Variants in CDH12 observed in about 807,000 individuals in gnomAD.
The protein encoded by CDH12 is cadherin 12.
CDH12 carries 41 observed loss-of-function variants against 74.1 expected under a neutral mutation model. The observed-to-expected ratio is 0.55, with a 90% CI of 0.43 to 0.72. The LOEUF is 0.72. Ranked by LOEUF, CDH12 falls within the 30% of genes least tolerant of loss-of-function variation. CDH12 has a pLI of 0.00. For synonymous variants in CDH12, 399 were observed against 355.0 expected (o/e 1.12, Z -1.39); for missense variants, 945 against 977.2 (o/e 0.97, Z 0.44).
intron 3 of CDH12, among the ~76,000 whole-genome samples, chr5:22,302,625 A>G (rs1225078357): frequency 6.6e-6 from 1 of 152,152 alleles, no homozygotes; most frequent in African/African-American, 2.4e-5. Flanking sequence ...AAGTCATTGG[A>G]ACATATAAAA....
At chr5:21,988,386 G>A (rs1374265004) in intron 5 of CDH12, among the ~76,000 whole-genome samples, 1 of 151,438 alleles carries the variant, frequency 6.6e-6, no homozygotes, top group Non-Finnish European at 1.5e-5. Flanking sequence ...CAGCTACTCG[G>A]GAGGCTGAGG....
At chr5:22,158,246 T>A (rs1748140338) in intron 4 of CDH12, among the ~76,000 whole-genome samples, 1 of 152,056 alleles carries the variant, frequency 6.6e-6, no homozygotes, top group African/African-American at 2.4e-5. Context: ...TAGCCCACCA[T>A]ATCTTGCAAA....
At chr5:21,920,436 C>G (rs1201049449) in intron 6 of CDH12, among the ~76,000 whole-genome samples, 1 of 151,912 alleles carries the variant, frequency 6.6e-6, no homozygotes, top group Non-Finnish European at 1.5e-5. Flanking sequence ...AATAGAAAAC[C>G]AAACAATGCA....
intron 1 of CDH12, among the ~76,000 whole-genome samples, chr5:22,543,973 G>A (rs1738209271): frequency 6.6e-6 from 1 of 151,606 alleles, no homozygotes; most frequent in African/African-American, 2.4e-5. Context: ...ATCTGCTAAA[G>A]CCTATCCCTA....
At position 22,460,713 on chromosome 5, in the gene CDH12, A is replaced by ATTTTTTTTTTTTTTTTTTTT. The variant is rs3039460; in HGVS notation, c.-428+44537_-428+44556dup. ...AGAGAACAGTTGATGATATCTAGCA[A>ATTTTTTTTTTTTTTTTTTTT]TTTTTTTTTTTTTTTTTTTTTTTTT... On this transcript the variant is annotated intron_variant, in intron 2 of 14. Coordinates refer to ENST00000382254, the MANE Select transcript of CDH12 (RefSeq NM_004061.5). 2.2e-4 allele frequency among the ~76,000 whole-genome samples: 19 copies of ATTTTTTTTTTTTTTTTTTTT among 85,608 alleles called. 2 individuals are homozygous for ATTTTTTTTTTTTTTTTTTTT. The highest frequency in any genetic ancestry group is 9.6e-4 in the African/African-American group (19 of 19,772). 56.2% of individuals were successfully genotyped at this position (85,608 alleles called of 152,430 possible).
intron 1 of CDH12, among the ~76,000 whole-genome samples, chr5:22,759,472 C>T (rs1746097259): frequency 6.6e-6 from 1 of 152,122 alleles, no homozygotes; most frequent in African/African-American, 2.4e-5. Context: ...CTCGAAGCAA[C>T]TGAATAGATC....
chr5:22,153,856 G>GTGTATATA (rs1747786508), intron 4 of CDH12, among the ~76,000 whole-genome samples: 1 of 114,088 alleles, frequency 8.8e-6, no homozygotes, highest in Non-Finnish European at 1.8e-5. Context: ...ATATGTGTGT[G>GTGTATATA]TGTATATATA....
At chr5:21,982,151 A>G (rs1456654281) in intron 5 of CDH12, among the ~76,000 whole-genome samples, 9 of 152,302 alleles carry the variant, frequency 5.9e-5, no homozygotes, top group Non-Finnish European at 1.0e-4. Context: ...CCTAATGTGG[A>G]TGGGCCTCAT....
chr5:22,214,957 T>C (rs1227355046), intron 3 of CDH12, among the ~76,000 whole-genome samples: 2 of 152,124 alleles, frequency 1.3e-5, no homozygotes, highest in African/African-American at 4.8e-5. Context: ...AGTACACACA[T>C]GAAGAACAAA....
At chr5:21,820,288 A>G (rs1352938957) in intron 8 of CDH12, among the ~76,000 whole-genome samples, 1 of 152,022 alleles carries the variant, frequency 6.6e-6, no homozygotes, top group Non-Finnish European at 1.5e-5. Flanking sequence ...TAAGTTAAAT[A>G]GGGTGTTTTG....
intron 2 of CDH12, among the ~76,000 whole-genome samples, chr5:22,451,729 G>C (rs184632054): frequency 5.8e-4 from 88 of 152,004 alleles, no homozygotes; most frequent in African/African-American, 2.0e-3. Context: ...TTAGGCAAGA[G>C]AATGAAATAA....
chr5:21,998,968 A>G (rs1176889703), intron 5 of CDH12, among the ~76,000 whole-genome samples: 26 of 152,196 alleles, frequency 1.7e-4, no homozygotes, highest in Non-Finnish European at 1.5e-5. Context: ...AAATACCACA[A>G]ATGAAAGTAT....
At chr5:22,526,537 T>A (rs755822787) in intron 1 of CDH12, among the ~76,000 whole-genome samples, 43 of 152,140 alleles carry the variant, frequency 2.8e-4, no homozygotes, top group Non-Finnish European at 4.9e-4. Context: ...ATGTCAGGTA[T>A]TAGAGAATGT....
At chr5:22,326,704 T>G (rs1029743800) in intron 3 of CDH12, among the ~76,000 whole-genome samples, 4 of 152,146 alleles carry the variant, frequency 2.6e-5, no homozygotes, top group African/African-American at 9.7e-5. Flanking sequence ...TTGTGAAAAA[T>G]TGTACCTATA....
intron 3 of CDH12, among the ~76,000 whole-genome samples, chr5:22,369,500 A>G (rs1741179766): frequency 6.6e-6 from 1 of 152,190 alleles, no homozygotes; most frequent in East Asian, 1.9e-4. Context: ...AAAAATACAT[A>G]CAAAGAGAAA....
At chr5:22,514,399 GGGAGGAGA>G (rs1736726026) in intron 1 of CDH12, among the ~76,000 whole-genome samples, 1 of 152,152 alleles carries the variant, frequency 6.6e-6, no homozygotes, top group Admixed American at 6.5e-5. Context: ...GACAAGCACA[GGGAGGAGA>G]GTGCTATAGA....
chr5:22,640,489 C>T (rs933554624), intron 1 of CDH12, among the ~76,000 whole-genome samples: 1 of 152,072 alleles, frequency 6.6e-6, no homozygotes, highest in African/African-American at 2.4e-5. Context: ...CTAATCGCAC[C>T]AAAGCACCCA....
At chr5:22,199,676 TA>T (rs1260213774) in intron 4 of CDH12, among the ~76,000 whole-genome samples, 1 of 152,142 alleles carries the variant, frequency 6.6e-6, no homozygotes, top group Non-Finnish European at 1.5e-5. Context: ...TACTTCTCAG[TA>T]GATGTAGAAT....
Position 22,206,678 on chromosome 5 carries a change from G to GTA in CDH12, c.-187+5819_-187+5820insTA, listed in dbSNP as rs1751235188. Among the ~76,000 whole-genome samples the GTA allele has an allele frequency of 2.7e-4, 4 of 14,678 alleles. No individual in the cohort carries two copies. In the Admixed American group the frequency reaches 3.1e-3, roughly 11 times the overall value. The allele number at this position is 14,678 out of a possible 152,430, so 9.6% of individuals were successfully genotyped here. On this transcript the variant is annotated intron_variant, in intron 4 of 14. Coordinates refer to ENST00000382254, the MANE Select transcript of CDH12 (RefSeq NM_004061.5). ...AGGATGAAAAATAATGGATTCCACTGCAAAAAAAAAAAAAAAAAAAAAAAG... is the reference window on the plus strand; with the variant it reads ...AGGATGAAAAATAATGGATTCCACTGTACAAAAAAAAAAAAAAAAAAAAAAAG...
Sources: allele counts gnomAD v4.1 joint callset (sites outside exome capture counted in the v4.1 genomes callset), GRCh38; gene constraint gnomAD v4.1.1; transcripts MANE v1.5; gene names NCBI Gene and HGNC (gene_info 2026-07-23, HGNC 2026-07-21).